Variants in RASA2 observed in about 807,000 individuals in gnomAD.
The protein encoded by RASA2 is RAS p21 protein activator 2, also known as ras GTPase-activating protein 2.
In RASA2, 155 loss-of-function variants were observed where a neutral mutation model predicts 118.2. The ratio of observed to expected loss-of-function variants is 1.31; its 90% CI spans 1.15 to 1.50. RASA2 has a LOEUF of 1.50. RASA2 is among the 40% of genes most tolerant of loss of function. The pLI is 0.00. For missense variants in RASA2, 1,016 were observed against 1,009.6 expected (o/e 1.01, Z -0.09); for synonymous variants, 353 against 349.1 (o/e 1.01, Z -0.12).
At chr3:141,538,567 G>A (rs978582447) in intron 4 of RASA2, among the ~76,000 whole-genome samples, 4 of 152,088 alleles carry the variant, frequency 2.6e-5, no homozygotes, top group African/African-American at 7.2e-5. Context: ...AGGATAGTAT[G>A]TATTTCCTTG....
chr3:141,564,305 CA>C (rs201768803), intron 9 of RASA2, among the ~76,000 whole-genome samples: 3,419 of 152,024 alleles, frequency 0.022, 139 homozygotes, highest in African/African-American at 0.077. Flanking sequence ...TAGTAAAAAC[CA>C]AAACAGAGTT....
At chr3:141,580,504 C>T (rs1466787821) in intron 16 of RASA2, 53 bp downstream of exon 16, 6 of 1,362,472 alleles carry the variant, frequency 4.4e-6, no homozygotes, top group African/African-American at 2.9e-5. Context: ...GTTGTTACAT[C>T]CTATGATCCC....
At chr3:141,598,069 A>G (rs963152639) in intron 19 of RASA2, among the ~76,000 whole-genome samples, 1 of 152,184 alleles carries the variant, frequency 6.6e-6, no homozygotes, top group African/African-American at 2.4e-5. Flanking sequence ...GTGTCCTAAA[A>G]AAGAATGCCA....
chr3:141,572,116 G>C (rs1024223118), intron 11 of RASA2, among the ~76,000 whole-genome samples: 3 of 150,028 alleles, frequency 2.0e-5, no homozygotes, highest in Non-Finnish European at 3.0e-5. Context: ...TTTTAAGACA[G>C]AGTCTCGCTT....
chr3:141,506,213 C>T (rs1186762522), intron 1 of RASA2, among the ~76,000 whole-genome samples: 1 of 152,190 alleles, frequency 6.6e-6, no homozygotes, highest in Admixed American at 6.5e-5. Flanking sequence ...CTCCTTTCTT[C>T]GTAGAGGAAC....
chr3:141,588,433 G>A (rs529780643), intron 19 of RASA2, among the ~76,000 whole-genome samples: 103 of 152,348 alleles, frequency 6.8e-4, no homozygotes, highest in African/African-American at 9.1e-4. Flanking sequence ...AACCACAAGC[G>A]TGTAGCACCC....
At chr3:141,517,783 A>G (rs2082049833) in intron 3 of RASA2, among the ~76,000 whole-genome samples, 1 of 151,916 alleles carries the variant, frequency 6.6e-6, no homozygotes, top group South Asian at 2.1e-4. Flanking sequence ...CCTCCCGAAT[A>G]GCTGGGACTA....
At chr3:141,532,373 C>G (rs977358005) in intron 4 of RASA2, among the ~76,000 whole-genome samples, 5 of 152,122 alleles carry the variant, frequency 3.3e-5, no homozygotes, top group African/African-American at 4.8e-5. Context: ...GAAGAGAAGC[C>G]TGCTCAGATT....
intron 15 of RASA2, among the ~76,000 whole-genome samples, chr3:141,580,135 C>T (rs956870926): frequency 1.6e-5 from 2 of 127,050 alleles, no homozygotes; most frequent in African/African-American, 6.0e-5. Context: ...AAAAGCACCA[C>T]ATCTTTAATA....
At chr3:141,567,210 G>A (rs1443303542) in intron 9 of RASA2, among the ~76,000 whole-genome samples, 2 of 152,114 alleles carry the variant, frequency 1.3e-5, no homozygotes, top group Non-Finnish European at 2.9e-5. Flanking sequence ...GAGGTCAGGA[G>A]TTCAAGACCA....
chr3:141,568,727 A>G (rs559657955), intron 9 of RASA2, among the ~76,000 whole-genome samples: 1 of 152,106 alleles, frequency 6.6e-6, no homozygotes, highest in Non-Finnish European at 1.5e-5. Context: ...CACTACAAAA[A>G]GAATCTCCAT....
chr3:141,581,893 T>G (rs2083119971), intron 17 of RASA2, among the ~76,000 whole-genome samples: 1 of 152,204 alleles, frequency 6.6e-6, no homozygotes, highest in Non-Finnish European at 1.5e-5. Context: ...GAGTCTTTAG[T>G]CCTGAATCAT....
chr3:141,583,229 G>C (rs2083144379), intron 17 of RASA2, among the ~76,000 whole-genome samples: 1 of 152,048 alleles, frequency 6.6e-6, no homozygotes, highest in African/African-American at 2.4e-5. Context: ...TTGGAGACCA[G>C]CCTGGCTAAC....
intron 1 of RASA2, among the ~76,000 whole-genome samples, chr3:141,511,477 C>T (rs1254350843): frequency 6.6e-6 from 1 of 152,106 alleles, no homozygotes; most frequent in East Asian, 1.9e-4. Flanking sequence ...GTCAGAAATA[C>T]TGTGTTGTGG....
At chr3:141,562,932 A>G (rs2082758859) in intron 9 of RASA2, among the ~76,000 whole-genome samples, 2 of 152,082 alleles carry the variant, frequency 1.3e-5, no homozygotes, top group South Asian at 2.1e-4. Flanking sequence ...CGGCCTCCCA[A>G]AGTGCTGGGA....
chr3:141,595,748 C>T (rs909520229), intron 19 of RASA2, among the ~76,000 whole-genome samples: 2 of 152,082 alleles, frequency 1.3e-5, no homozygotes, highest in African/African-American at 4.8e-5. Context: ...CCTGCCTCTG[C>T]CTTCTGTGTA....
Position 141,590,029 on chromosome 3 carries a change from T to C in RASA2, c.1933+3277T>C, listed in dbSNP as rs2083264628. ...AATGAGATATGAAGTTTCAAGCTTA[T>C]TTACCAAAGCCTGCAGTTTTAAGCT... On this transcript the variant is annotated intron_variant, in intron 19 of 23. Transcript: ENST00000286364. 6 of 429,608 alleles carry C rather than the reference T, an allele frequency of 1.4e-5. No individual in the cohort carries two copies. In the Middle Eastern group the frequency reaches 2.7e-3, roughly 191 times the overall value. The allele number at this position is 429,608 out of a possible 1,614,324, so 26.6% of individuals were successfully genotyped here. A position where few individuals can be genotyped will look rare whatever the true frequency, so the allele number is the denominator to read the frequency against.
At chr3:141,610,143 C>A in intron 23 of RASA2, 77 bp downstream of exon 23, 2 of 1,242,758 alleles carry the variant, frequency 1.6e-6, no homozygotes, top group Non-Finnish European at 2.2e-6. Context: ...AACCTCACAC[C>A]TCCTGCTCAC....
At chr3:141,586,229 G>A (rs2083200050) in intron 18 of RASA2, 131 bp downstream of exon 18, 1 of 762,488 alleles carries the variant, frequency 1.3e-6, no homozygotes, top group Admixed American at 3.3e-5. Flanking sequence ...TTAGCAGTCA[G>A]GTAAGTCGCC....
Sources: gnomAD v4.1 joint callset for allele counts (sites outside exome capture counted in the v4.1 genomes callset) on GRCh38, gnomAD v4.1.1 for gene constraint, MANE v1.5 for transcripts, NCBI Gene and HGNC (gene_info 2026-07-23, HGNC 2026-07-21) for gene names.